Variants in KCNK10 observed in about 807,000 individuals in gnomAD.
KCNK10 encodes potassium channel subfamily K member 10.
KCNK10 carries 25 observed loss-of-function variants against 47.7 expected under a neutral mutation model. The ratio of observed to expected loss-of-function variants is 0.52; its 90% CI spans 0.38 to 0.73. KCNK10 has a LOEUF of 0.73. KCNK10 is among the 30% of genes least tolerant of loss of function. The probability of loss-of-function intolerance (pLI) is 0.00; values close to 1 mark genes in which losing one functional copy is unlikely to be tolerated. For synonymous variants in KCNK10, 303 were observed against 285.6 expected (o/e 1.06, Z -0.61); for missense variants, 563 against 714.5 (o/e 0.79, Z 2.42).
intron 1 of KCNK10, among the ~76,000 whole-genome samples, chr14:88,303,103 C>G (rs1405472165): frequency 1.3e-5 from 2 of 152,132 alleles, no homozygotes; most frequent in Non-Finnish European, 2.9e-5. Context: ...AACACAGAGG[C>G]TACTTCACTC....
At chr14:88,242,638 T>G (rs550842498) in intron 2 of KCNK10, among the ~76,000 whole-genome samples, 4 of 152,310 alleles carry the variant, frequency 2.6e-5, no homozygotes, top group Non-Finnish European at 5.9e-5. Context: ...GTACAGACTG[T>G]CTTTGCATAA....
chr14:88,194,959 G>A (rs997649857), intron 4 of KCNK10, among the ~76,000 whole-genome samples: 1 of 151,912 alleles, frequency 6.6e-6, no homozygotes, highest in Admixed American at 6.6e-5. Context: ...AAGAAGTGCT[G>A]TGGGCGTAAG....
chr14:88,311,542 T>C (rs1462849901), intron 1 of KCNK10, among the ~76,000 whole-genome samples: 2 of 152,168 alleles, frequency 1.3e-5, no homozygotes, highest in Non-Finnish European at 2.9e-5. Context: ...AAAAATCTCA[T>C]GGTCTATACC....
chr14:88,217,176 T>A (rs1333627128), intron 4 of KCNK10, among the ~76,000 whole-genome samples: 2 of 152,012 alleles, frequency 1.3e-5, no homozygotes, highest in African/African-American at 4.8e-5. Context: ...ATAAATAAAC[T>A]CACATTATTA....
chr14:88,253,034 C>T (rs979580503), intron 2 of KCNK10, among the ~76,000 whole-genome samples: 1 of 152,046 alleles, frequency 6.6e-6, no homozygotes, highest in Non-Finnish European at 1.5e-5. Flanking sequence ...TCTAGCTAGA[C>T]TCAAGTCCTG....
At chr14:88,219,060 T>C (rs1885714232) in intron 4 of KCNK10, among the ~76,000 whole-genome samples, 1 of 152,206 alleles carries the variant, frequency 6.6e-6, no homozygotes, top group South Asian at 2.1e-4. Flanking sequence ...CTACCACCAA[T>C]TCACTGTGTG....
intron 2 of KCNK10, among the ~76,000 whole-genome samples, chr14:88,254,122 A>T (rs1366713625): frequency 6.6e-6 from 1 of 152,046 alleles, no homozygotes; most frequent in Non-Finnish European, 1.5e-5. Flanking sequence ...AGACAGAAAA[A>T]CTATCATGAA....
At position 88,286,653 on chromosome 14, in the gene KCNK10, C is replaced by T. The variant is rs557452113; in HGVS notation, c.53-23102G>A. Among the ~76,000 whole-genome samples, 3 of 152,246 alleles carry T rather than the reference C, an allele frequency of 2.0e-5. No individual in the cohort carries two copies. The East Asian group carries it at 5.8e-4, about 29-fold the overall frequency. ...GTTCCATGTGGCTGGGAAGTCCTCA[C>T]AATTATGGCAGAAGGTGAAAGGCAC... On this transcript the variant is annotated intron_variant, in intron 1 of 6. Coordinates refer to ENST00000319231, the MANE Select transcript of KCNK10 (RefSeq NM_138317.3).
chr14:88,279,515 A>G (rs1015257497), intron 1 of KCNK10, among the ~76,000 whole-genome samples: 5 of 152,120 alleles, frequency 3.3e-5, no homozygotes, highest in African/African-American at 1.2e-4. Flanking sequence ...ACCCAGTGAA[A>G]TTTGAATTGC....
At chr14:88,187,536 G>A (rs971155389) in intron 6 of KCNK10, among the ~76,000 whole-genome samples, 10 of 152,004 alleles carry the variant, frequency 6.6e-5, no homozygotes, top group East Asian at 1.9e-4. Flanking sequence ...GTCAATGTTC[G>A]ATGATTTCAG....
At chr14:88,234,216 T>C (rs1214237763) in intron 3 of KCNK10, among the ~76,000 whole-genome samples, 1 of 152,244 alleles carries the variant, frequency 6.6e-6, no homozygotes, top group African/African-American at 2.4e-5. Context: ...TGACCTAACC[T>C]GGCCTAGAGT....
At chr14:88,321,074 T>C (rs1009858702) in intron 1 of KCNK10, among the ~76,000 whole-genome samples, 2 of 152,208 alleles carry the variant, frequency 1.3e-5, no homozygotes, top group East Asian at 1.9e-4. Flanking sequence ...GTTTGTGCTG[T>C]ATTTACAGTA....
chr14:88,287,706 TG>T lies in KCNK10; in HGVS notation c.53-24156del, dbSNP rs1595123436. Among the ~76,000 whole-genome samples the T allele has an allele frequency of 2.6e-5, 3 of 114,462 alleles. No homozygotes were observed. In the East Asian group the frequency reaches 6.1e-4, roughly 23 times the overall value. The allele number at this position is 114,462 out of a possible 152,430, so 75.1% of individuals were successfully genotyped here. ...GTGTGTGTGTGTGTGTGTGTGTGTG[TG>T]TGTGTGTGTGTGTGTGTATCACAAT... On this transcript the variant is annotated intron_variant, in intron 1 of 6. Coordinates refer to ENST00000319231, the MANE Select transcript of KCNK10 (RefSeq NM_138317.3).
chr14:88,203,197 T>C (rs1278998079), intron 4 of KCNK10, among the ~76,000 whole-genome samples: 1 of 150,436 alleles, frequency 6.6e-6, no homozygotes, highest in East Asian at 1.9e-4. Context: ...CCGCCCTGTA[T>C]ATGCCCGGGC....
Position 88,251,462 on chromosome 14 carries a change from G to A in KCNK10, c.403-10642C>T, listed in dbSNP as rs1292867899. Among the ~76,000 whole-genome samples the A allele has an allele frequency of 2.6e-5, 4 of 151,962 alleles. 1 individual carries two copies. Among genetic ancestry groups the A allele is most frequent in the South Asian group, 4.2e-4 (2 of 4,812 alleles). On this transcript the variant is annotated intron_variant, in intron 2 of 6. Coordinates refer to ENST00000319231, the MANE Select transcript of KCNK10 (RefSeq NM_138317.3). ...GGGCAAATGGTGCCAAGCAGGACAC[G>A]ACCCAACATAAAGGGCCCATAAAGG...
chr14:88,322,900 C>G lies in KCNK10; in HGVS notation c.-102G>C. On this transcript the variant is annotated 5_prime_UTR_variant, in exon 1 of 7. Transcript: ENST00000319231. This position sits in a 1 kb window ranked among gnomAD's most constrained non-coding sequence, Gnocchi z 4.8. ...TTTAGCAGTCCAACAAAACAATTTC[C>G]GAGGATGGGGGAGCCTTGGACTGGC... The G allele has an allele frequency of 6.3e-7, 1 of 1,586,778 alleles. No individual in the cohort carries two copies. The highest frequency in any genetic ancestry group is 8.6e-7 in the Non-Finnish European group (1 of 1,166,686).
chr14:88,291,118 A>G (rs1016015654), intron 1 of KCNK10, among the ~76,000 whole-genome samples: 1 of 152,244 alleles, frequency 6.6e-6, no homozygotes, highest in Non-Finnish European at 1.5e-5. Flanking sequence ...CAAACACTGC[A>G]GAACTGTAAA....
chr14:88,242,626 G>A (rs928286795), intron 2 of KCNK10, among the ~76,000 whole-genome samples: 5 of 152,208 alleles, frequency 3.3e-5, no homozygotes, highest in African/African-American at 1.2e-4. Flanking sequence ...TGCATGGGAT[G>A]TGTACAGACT....
chr14:88,235,035 C>T (rs755608536), intron 3 of KCNK10: 55 of 452,752 alleles, frequency 1.2e-4, no homozygotes, highest in South Asian at 8.3e-4. Context: ...TTTTACCAAG[C>T]ATGAAACATA....
Sources: allele counts gnomAD v4.1 joint callset (sites outside exome capture counted in the v4.1 genomes callset), GRCh38; gene constraint gnomAD v4.1.1; non-coding constraint Gnocchi (gnomAD v3.1); transcripts MANE v1.5; gene names NCBI Gene and HGNC (gene_info 2026-07-23, HGNC 2026-07-21).